ATRNL1: variants seen among roughly 807,000 people sequenced by gnomAD.
ATRNL1 encodes attractin-like protein 1.
Under a neutral mutation model 182.7 loss-of-function variants are expected in ATRNL1, and 95 were observed. The ratio of observed to expected loss-of-function variants is 0.52; its 90% CI spans 0.44 to 0.62. ATRNL1 has a LOEUF of 0.62. Ranked by LOEUF, ATRNL1 falls within the 20% of genes least tolerant of loss-of-function variation. The pLI is 0.00. For missense variants in ATRNL1, 1,471 were observed against 1,679.5 expected (o/e 0.88, Z 2.17); for synonymous variants, 576 against 568.3 (o/e 1.01, Z -0.19).
intron 19 of ATRNL1, among the ~76,000 whole-genome samples, chr10:115,352,000 T>C (rs1856280366): frequency 6.6e-6 from 1 of 152,110 alleles, no homozygotes; most frequent in African/African-American, 2.4e-5. Flanking sequence ...TAACTTGCTA[T>C]TGGTCTGTTT....
intron 12 of ATRNL1, 65 bp downstream of exon 12, chr10:115,267,070 C>G: frequency 9.0e-7 from 1 of 1,113,664 alleles, no homozygotes. Context: ...GTAGAAATAT[C>G]TTCTGCTTAT....
rs782683977 is a variant in ATRNL1 at position 115,442,299 on chromosome 10, CTCTCTG to C, written c.3322+15999_3322+16004del. Among the ~76,000 whole-genome samples, 850 of 131,448 alleles carry C rather than the reference CTCTCTG, an allele frequency of 6.5e-3. 10 individuals are homozygous for C. The highest frequency in any genetic ancestry group is 0.013 in the Middle Eastern group (3 of 236). 86.2% of individuals were successfully genotyped at this position (131,448 alleles called of 152,430 possible). On this transcript the variant is annotated intron_variant, in intron 21 of 28. Transcript: ENST00000355044. The stretch of plus-strand genomic sequence containing the variant: ...TCTCTCTCTCTCTCTCTCTCTCTCT[CTCTCTG>C]TGTGTATGTGTGTGTGTAAACAATC...
chr10:115,568,311 A>G (rs1854186373), intron 26 of ATRNL1, among the ~76,000 whole-genome samples: 1 of 152,082 alleles, frequency 6.6e-6, no homozygotes, highest in Non-Finnish European at 1.5e-5. Flanking sequence ...TTTTTATGTT[A>G]AAAATTTAAT....
intron 16 of ATRNL1, 23 bp downstream of exon 16, chr10:115,300,270 A>C: frequency 1.9e-6 from 3 of 1,584,062 alleles, no homozygotes; most frequent in Non-Finnish European, 2.6e-6. Flanking sequence ...GTAAATTAGC[A>C]TTCCTTTAAA....
intron 26 of ATRNL1, among the ~76,000 whole-genome samples, chr10:115,609,596 G>A (rs905940226): frequency 6.6e-6 from 1 of 151,968 alleles, no homozygotes; most frequent in Non-Finnish European, 1.5e-5. Context: ...ATACACAAAT[G>A]TATTTTATTA....
At position 115,530,929 on chromosome 10, in the gene ATRNL1, T is replaced by C. The variant is rs1236626357; in HGVS notation, c.3716+11605T>C. Among the ~76,000 whole-genome samples, 6 of 152,104 alleles carry C rather than the reference T, an allele frequency of 3.9e-5. No individual in the cohort carries two copies. In the East Asian group the frequency reaches 1.2e-3, roughly 29 times the overall value. On this transcript the variant is annotated intron_variant, in intron 25 of 28. Coordinates refer to ENST00000355044, the MANE Select transcript of ATRNL1 (RefSeq NM_207303.4). Reference sequence around the variant, plus strand: ...TTACTGAGAATGATGATTTCCAATTTCATCCATGTCCCTACAAAGGGCATG... The same window carrying C: ...TTACTGAGAATGATGATTTCCAATTCCATCCATGTCCCTACAAAGGGCATG...
intron 1 of ATRNL1, among the ~76,000 whole-genome samples, chr10:115,104,956 G>T (rs577070006): frequency 2.8e-4 from 43 of 151,558 alleles, no homozygotes; most frequent in South Asian, 1.9e-3. Context: ...GGTTACTATA[G>T]CTCTGTGGTA....
intron 8 of ATRNL1, among the ~76,000 whole-genome samples, chr10:115,178,754 T>G (rs1378927905): frequency 6.6e-6 from 1 of 152,116 alleles, no homozygotes; most frequent in East Asian, 1.9e-4. Context: ...ATTCTTCCCC[T>G]CTGGAGGACA....
Position 115,394,766 on chromosome 10 carries a change from A to C in ATRNL1, c.3269+14A>C, listed in dbSNP as rs541967135. On this transcript the variant is annotated intron_variant, in intron 20 of 28. Transcript: ENST00000355044. ...CCAATGCCAATTGTAAGTAAGAATG[A>C]CTTTTTAGAACTTTCGTGGATTGAA... is the stretch of plus-strand genomic sequence containing the variant. The C allele has an allele frequency of 2.8e-5, 43 of 1,537,456 alleles. No individual in the cohort carries two copies. The South Asian group carries it at 4.0e-4, about 14-fold the overall frequency.
At chr10:115,480,632 T>C (rs1848722390) in intron 24 of ATRNL1, among the ~76,000 whole-genome samples, 1 of 150,968 alleles carries the variant, frequency 6.6e-6, no homozygotes, top group Non-Finnish European at 1.5e-5. Flanking sequence ...TAGAGGAGAA[T>C]GGAAGATTTT....
chr10:115,467,783 C>G (rs1281262921), intron 23 of ATRNL1, among the ~76,000 whole-genome samples: 5 of 150,496 alleles, frequency 3.3e-5, no homozygotes, highest in African/African-American at 9.7e-5. Context: ...ATTTAAATTA[C>G]TGACTTAAAA....
intron 26 of ATRNL1, among the ~76,000 whole-genome samples, chr10:115,608,658 G>A (rs1237791675): frequency 6.6e-6 from 1 of 151,748 alleles, no homozygotes; most frequent in Non-Finnish European, 1.5e-5. Context: ...AATATATCAA[G>A]AATATACATC....
intron 28 of ATRNL1, among the ~76,000 whole-genome samples, chr10:115,913,857 G>T (rs946909973): frequency 6.6e-6 from 1 of 152,160 alleles, no homozygotes; most frequent in African/African-American, 2.4e-5. Flanking sequence ...TGTAGGTTTT[G>T]GGAATAGGTA....
chr10:115,536,088 C>T (rs774435615), intron 25 of ATRNL1, among the ~76,000 whole-genome samples: 29 of 152,180 alleles, frequency 1.9e-4, no homozygotes, highest in Non-Finnish European at 3.5e-4. Context: ...AGGCAGTCTG[C>T]CCGTTCTCAG....
chr10:115,139,775 A>T (rs1845683630), intron 5 of ATRNL1, among the ~76,000 whole-genome samples: 1 of 152,198 alleles, frequency 6.6e-6, no homozygotes, highest in African/African-American at 2.4e-5. Flanking sequence ...AATGGCAACA[A>T]CTATAATAAG....
intron 8 of ATRNL1, among the ~76,000 whole-genome samples, chr10:115,184,158 A>G (rs890461215): frequency 1.3e-5 from 2 of 151,468 alleles, no homozygotes; most frequent in East Asian, 1.9e-4. Flanking sequence ...GAGAAAAATG[A>G]TATTATTTTC....
chr10:115,322,356 A>G (rs961211180), intron 18 of ATRNL1, among the ~76,000 whole-genome samples: 22 of 151,722 alleles, frequency 1.5e-4, no homozygotes, highest in Non-Finnish European at 2.4e-4. Context: ...GGTTTTCTTT[A>G]TTTGTTGCCA....
chr10:115,438,393 T>G (rs1177790326), intron 21 of ATRNL1, among the ~76,000 whole-genome samples: 1 of 152,020 alleles, frequency 6.6e-6, no homozygotes, highest in Non-Finnish European at 1.5e-5. Context: ...ATTCACTACT[T>G]GCTCTTCATC....
In ATRNL1 at chr10:115,267,020, C is replaced by A. The variant is rs1028558064; in HGVS notation, c.1981+15C>A. ...TCCTAAAACAGGTAAATTTCTTTTT[C>A]TTTTCGTCTTTGTGGCAGCAAAATT... is the stretch of plus-strand genomic sequence containing the variant. On this transcript the variant is annotated intron_variant, in intron 12 of 28. Coordinates refer to ENST00000355044, the MANE Select transcript of ATRNL1 (RefSeq NM_207303.4). 3.1e-5 allele frequency: 49 copies of A among 1,567,306 alleles called. No homozygotes were observed. The highest frequency in any genetic ancestry group is 4.0e-5 in the Non-Finnish European group (46 of 1,145,994).
Sources: gnomAD v4.1 joint callset for allele counts (sites outside exome capture counted in the v4.1 genomes callset) on GRCh38, gnomAD v4.1.1 for gene constraint, MANE v1.5 for transcripts, NCBI Gene and HGNC (gene_info 2026-07-23, HGNC 2026-07-21) for gene names.